Variants in DMXL1 observed in about 807,000 individuals in gnomAD.
DMXL1 encodes the protein Dmx like 1.
A neutral mutation model predicts 319.2 loss-of-function variants in DMXL1; 99 were observed. The observed-to-expected ratio is 0.31, with a 90% confidence interval of 0.26 to 0.37. The LOEUF is 0.37. DMXL1 is among the 10% of genes least tolerant of loss of function. The probability of loss-of-function intolerance (pLI) is 1.00; values close to 1 mark genes in which losing one functional copy is unlikely to be tolerated. For missense variants in DMXL1, 3,745 were observed against 3,595.6 expected (o/e 1.04, Z -1.06); for synonymous variants, 1,385 against 1,235.2 (o/e 1.12, Z -2.54).
At chr5:119,245,541 C>CT (rs1189893917) in intron 43 of DMXL1, among the ~76,000 whole-genome samples, 2,376 of 133,762 alleles carry the variant, frequency 0.018, 34 homozygotes, top group South Asian at 0.041. Flanking sequence ...TAAGTCGGTT[C>CT]TTTTTTTTTT....
chr5:119,233,501 A>G (rs79422697), intron 39 of DMXL1, 34 bp downstream of exon 39: 17,442 of 1,583,228 alleles, frequency 0.011, 697 homozygotes, highest in East Asian at 0.1. Flanking sequence ...TAAAAAATTT[A>G]TTGTGTTGGA....
chr5:119,227,744 G>A (rs1459648809), intron 38 of DMXL1, among the ~76,000 whole-genome samples: 2 of 152,204 alleles, frequency 1.3e-5, no homozygotes, highest in South Asian at 4.1e-4. Flanking sequence ...TAATACGACC[G>A]ATGTTTCCAA....
chr5:119,235,052 C>T (rs1225485804), intron 39 of DMXL1, among the ~76,000 whole-genome samples: 1 of 152,092 alleles, frequency 6.6e-6, no homozygotes, highest in Admixed American at 6.6e-5. Context: ...TTGACGAAGT[C>T]TAATAGCACA....
chr5:119,206,091 G>A (rs1020553183), intron 33 of DMXL1, among the ~76,000 whole-genome samples: 5 of 151,956 alleles, frequency 3.3e-5, no homozygotes, highest in African/African-American at 1.2e-4. Context: ...AAAGTTTACT[G>A]GTACCTGTGT....
Position 119,144,583 on chromosome 5 carries a change from T to C in DMXL1, c.2514T>C (p.Ile838=). The change falls in exon 15 of 44, where the codon ATT becomes ATC. Residue 838 remains isoleucine, a synonymous_variant. Transcript: ENST00000539542. ...TTCATGTTTTTGAAGAAGACTTCATTTTGAATAACCTTGAGAAGAAAAGCC... is the reference window on the plus strand; with the variant it reads ...TTCATGTTTTTGAAGAAGACTTCATCTTGAATAACCTTGAGAAGAAAAGCC... The part of the protein sequence containing the change: ...QLLHVFEEDF[I]LNNLEKKSLG... The C allele has an allele frequency of 6.2e-7, 1 of 1,601,998 alleles. No homozygotes were observed. Among genetic ancestry groups the C allele is most frequent in the Non-Finnish European group, 8.5e-7 (1 of 1,176,294 alleles).
At chr5:119,071,747 G>A (rs1451467243) in intron 1 of DMXL1, 91 bp downstream of exon 1, 2 of 1,254,102 alleles carry the variant, frequency 1.6e-6, no homozygotes, top group Admixed American at 5.6e-5. Flanking sequence ...GCAGAGGCGC[G>A]AGGTCTTGTC....
intron 27 of DMXL1, among the ~76,000 whole-genome samples, chr5:119,177,795 T>G (rs1173835889): frequency 6.6e-6 from 1 of 152,156 alleles, no homozygotes; most frequent in Non-Finnish European, 1.5e-5. Context: ...ATGTTTAATA[T>G]TAAAGATTTT....
chr5:119,150,417 C>T lies in DMXL1; in HGVS notation c.4590C>T (p.Ser1530=), dbSNP rs1426201847. The T allele has an allele frequency of 3.1e-6, 5 of 1,607,936 alleles. No homozygotes were observed. The highest frequency in any genetic ancestry group is 4.2e-6 in the Non-Finnish European group (5 of 1,177,720). The part of the protein sequence containing the change: ...STDIGESRDR[S]QGGETLDECG... ...ATATTGGAGAAAGCCGAGACAGAAG[C>T]CAAGGTAAAACTAAACTCCGTACTG... is the stretch of plus-strand genomic sequence containing the variant. The change falls in exon 18 of 44, where the codon AGC becomes AGT. Residue 1530 remains serine (S), a synonymous_variant. Coordinates refer to ENST00000539542, the MANE Select transcript of DMXL1 (RefSeq NM_001290321.3).
rs567513599 is a variant in DMXL1 at position 119,164,756 on chromosome 5, C to T, written c.4872+80C>T. Reference sequence around the variant, plus strand: ...AAATGGCATTTCATATCTTCTCTGCCATTACTCCCTCTTGTTTTTGAAGCA... The same window carrying T: ...AAATGGCATTTCATATCTTCTCTGCTATTACTCCCTCTTGTTTTTGAAGCA... On this transcript the variant is annotated intron_variant, in intron 20 of 43. Coordinates refer to ENST00000539542, the MANE Select transcript of DMXL1 (RefSeq NM_001290321.3). 6.3e-6 allele frequency: 8 copies of T among 1,267,508 alleles called. No individual in the cohort carries two copies. In the South Asian group the frequency reaches 1.4e-4, roughly 21 times the overall value. The allele number at this position is 1,267,508 out of a possible 1,614,324, so 78.5% of individuals were successfully genotyped here.
intron 28 of DMXL1, among the ~76,000 whole-genome samples, chr5:119,189,279 T>G (rs909121751): frequency 1.3e-5 from 2 of 152,176 alleles, no homozygotes; most frequent in African/African-American, 4.8e-5. Context: ...AAATATAGTT[T>G]TAGATATAAG....
chr5:119,109,090 CGT>C (rs1358894511), intron 4 of DMXL1, among the ~76,000 whole-genome samples: 1 of 152,074 alleles, frequency 6.6e-6, no homozygotes, highest in Admixed American at 6.6e-5. Context: ...TGTGAGCCAC[CGT>C]GCCTGGCCTA....
intron 34 of DMXL1, 152 bp from the exon 35 acceptor site, chr5:119,216,749 A>T (rs1783770226): frequency 3.9e-6 from 2 of 513,472 alleles, no homozygotes; most frequent in South Asian, 5.5e-5. Context: ...ATTTTGTTTT[A>T]GGGATAATTA....
intron 40 of DMXL1, 85 bp downstream of exon 40, chr5:119,237,499 A>G: frequency 1.3e-6 from 1 of 793,956 alleles, no homozygotes; most frequent in East Asian, 2.6e-5. Flanking sequence ...CAAGAAATAT[A>G]GAACTAATAA....
intron 9 of DMXL1, among the ~76,000 whole-genome samples, chr5:119,125,903 A>G (rs898629728): frequency 2.0e-5 from 3 of 152,240 alleles, no homozygotes; most frequent in African/African-American, 4.8e-5. Context: ...AAAGGTTGCT[A>G]TAAAAAAGCT....
rs200673180 is a variant in DMXL1 at position 119,118,875 on chromosome 5, A to G, written c.804A>G (p.Val268=). The G allele has an allele frequency of 3.7e-6, 6 of 1,614,028 alleles. No homozygotes were observed. The highest frequency in any genetic ancestry group is 2.7e-5 in the African/African-American group (2 of 75,056). ...CCKDNVCRLW[V]ETFLPNDCLL... ...AAGATAATGTGTGTCGTCTTTGGGTAGAGACATTTTTACCAAATGATTGTT... is the reference window on the plus strand; with the variant it reads ...AAGATAATGTGTGTCGTCTTTGGGTGGAGACATTTTTACCAAATGATTGTT... The change falls in exon 8 of 44, where the codon GTA becomes GTG. Residue 268 remains valine, a synonymous_variant. Transcript: ENST00000539542.
chr5:119,189,115 TTATA>T (rs1451184647), intron 28 of DMXL1, among the ~76,000 whole-genome samples: 1 of 152,202 alleles, frequency 6.6e-6, no homozygotes, highest in Non-Finnish European at 1.5e-5. Context: ...TACTATCTAA[TTATA>T]GAGTGTTCAC....
At chr5:119,188,757 A>G (rs1261751788) in intron 28 of DMXL1, among the ~76,000 whole-genome samples, 1 of 152,242 alleles carries the variant, frequency 6.6e-6, no homozygotes, top group African/African-American at 2.4e-5. Context: ...TTTTTCTGAA[A>G]TAACCAAATT....
chr5:119,150,639 A>T (rs1000810356), intron 18 of DMXL1, among the ~76,000 whole-genome samples: 4 of 151,970 alleles, frequency 2.6e-5, no homozygotes, highest in African/African-American at 9.7e-5. Flanking sequence ...AAAACAAAAA[A>T]AAATTAGCCA....
At chr5:119,180,844 T>C (rs1776652127) in intron 28 of DMXL1, among the ~76,000 whole-genome samples, 1 of 152,224 alleles carries the variant, frequency 6.6e-6, no homozygotes, top group African/African-American at 2.4e-5. Context: ...ATTTTTAATA[T>C]GTTCTGAGAA....
Sources: allele counts gnomAD v4.1 joint callset (sites outside exome capture counted in the v4.1 genomes callset), GRCh38; gene constraint gnomAD v4.1.1; transcripts MANE v1.5; gene names NCBI Gene and HGNC (gene_info 2026-07-23, HGNC 2026-07-21).